NXN: variants seen among roughly 807,000 people sequenced by gnomAD.
NXN encodes nucleoredoxin, also known as nucleoredoxin 1.
Under a neutral mutation model 48.6 loss-of-function variants are expected in NXN, and 16 were observed. The ratio of observed to expected loss-of-function variants is 0.33; its 90% CI spans 0.22 to 0.50. NXN has a LOEUF of 0.50. Among genes scored for constraint, NXN ranks in the 20% least tolerant of loss-of-function variants. NXN has a pLI of 0.98. For missense variants in NXN, 492 were observed against 605.5 expected (o/e 0.81, Z 1.97); for synonymous variants, 281 against 269.6 (o/e 1.04, Z -0.41).
At chr17:812,136 C>T (rs1361066378) in intron 5 of NXN, among the ~76,000 whole-genome samples, 1 of 150,596 alleles carries the variant, frequency 6.6e-6, no homozygotes, top group Non-Finnish European at 1.5e-5. Context: ...ACCGTGTTAG[C>T]CAGGACGGTC....
intron 1 of NXN, among the ~76,000 whole-genome samples, chr17:942,138 A>C (rs1333807028): frequency 1.7e-4 from 17 of 98,442 alleles, no homozygotes; most frequent in African/African-American, 5.5e-4. Flanking sequence ...GAATTCACCA[A>C]ACACCTTCCT....
At chr17:873,103 G>A (rs2068176623) in intron 1 of NXN, among the ~76,000 whole-genome samples, 1 of 152,208 alleles carries the variant, frequency 6.6e-6, no homozygotes. Flanking sequence ...CTTCAGACTT[G>A]GCGGGAACTT....
chr17:915,912 T>C (rs916963553), intron 1 of NXN, among the ~76,000 whole-genome samples: 1 of 152,272 alleles, frequency 6.6e-6, no homozygotes, highest in Non-Finnish European at 1.5e-5. Context: ...CCAGTTCTTT[T>C]GTCCTTGTCC....
chr17:931,669 T>C (rs932810821), intron 1 of NXN, among the ~76,000 whole-genome samples: 3 of 150,206 alleles, frequency 2.0e-5, no homozygotes, highest in African/African-American at 7.3e-5. Flanking sequence ...ACCCTGTCTC[T>C]GCTAAAAATA....
At position 978,449 on chromosome 17, in the gene NXN, T is replaced by C. The variant is rs1165128516; in HGVS notation, c.360+870A>G. 7 of 152,402 alleles carry C rather than the reference T, an allele frequency of 4.6e-5. No homozygotes were observed. The highest frequency in any genetic ancestry group is 3.9e-4 in the Admixed American group (6 of 15,288). The allele number at this position is 152,402 out of a possible 1,614,324, so 9.4% of individuals were successfully genotyped here. A position where few individuals can be genotyped will look rare whatever the true frequency, so the allele number is the denominator to read the frequency against. ...AGTATCCATTTCCCCAAATCCTCCT[T>C]CTTCCAGTCAATGTGCATCGATGGG... On this transcript the variant is annotated intron_variant, in intron 1 of 7. Coordinates refer to ENST00000336868, the MANE Select transcript of NXN (RefSeq NM_022463.5). The surrounding 1 kb of genome is among the most constrained non-coding windows in gnomAD (Gnocchi z 4.1).
intron 1 of NXN, among the ~76,000 whole-genome samples, chr17:922,398 C>T (rs779677861): frequency 2.0e-5 from 3 of 151,824 alleles, no homozygotes; most frequent in Non-Finnish European, 2.9e-5. Flanking sequence ...GAGCCAAGAT[C>T]GTGCCACTGC....
Position 830,103 on chromosome 17 carries a change from C to T in NXN, c.361-4025G>A, listed in dbSNP as rs1205740084. On this transcript the variant is annotated intron_variant, in intron 1 of 7. Coordinates refer to ENST00000336868, the MANE Select transcript of NXN (RefSeq NM_022463.5). The surrounding 1 kb of genome is among the most constrained non-coding windows in gnomAD (Gnocchi z 4.2). ...CCTCCCACCAACAGTGTCAAAGTTG[C>T]TTATCTTTGACTTACTGATGTGTAG... 6.6e-6 allele frequency among the ~76,000 whole-genome samples: 1 copy of T among 152,186 alleles called. No individual in the cohort carries two copies. The highest frequency in any genetic ancestry group is 1.5e-5 in the Non-Finnish European group (1 of 68,040).
At chr17:912,022 C>G (rs1376769523) in intron 1 of NXN, among the ~76,000 whole-genome samples, 1 of 151,408 alleles carries the variant, frequency 6.6e-6, no homozygotes, top group East Asian at 1.9e-4. Flanking sequence ...ACTGCAACCT[C>G]TGCCTCCCGA....
intron 5 of NXN, among the ~76,000 whole-genome samples, chr17:811,516 G>C (rs555588150): frequency 2.0e-5 from 3 of 152,146 alleles, no homozygotes; most frequent in Admixed American, 1.3e-4. Flanking sequence ...GGTTGGGGGG[G>C]GGGCAGCACT....
intron 7 of NXN, among the ~76,000 whole-genome samples, chr17:802,333 C>G (rs893501462): frequency 6.6e-6 from 1 of 152,124 alleles, no homozygotes; most frequent in Non-Finnish European, 1.5e-5. Flanking sequence ...CCCAGCCAGA[C>G]GGGAGCCAGC....
intron 1 of NXN, among the ~76,000 whole-genome samples, chr17:938,628 G>A (rs913802135): frequency 1.3e-5 from 2 of 152,086 alleles, no homozygotes; most frequent in Non-Finnish European, 2.9e-5. Flanking sequence ...AGGTCGCAGT[G>A]AGCCGAGATT....
chr17:947,507 C>A (rs936074036), intron 1 of NXN, among the ~76,000 whole-genome samples: 1 of 151,582 alleles, frequency 6.6e-6, no homozygotes, highest in African/African-American at 2.4e-5. Flanking sequence ...CCGAGGTGGG[C>A]GGATCACTTG....
chr17:860,674 G>A (rs956782447), intron 1 of NXN, among the ~76,000 whole-genome samples: 17 of 152,274 alleles, frequency 1.1e-4, no homozygotes, highest in East Asian at 3.8e-4. Flanking sequence ...GATGACAGGC[G>A]TGAGCCGCCG....
At chr17:931,896 C>T (rs1307390237) in intron 1 of NXN, among the ~76,000 whole-genome samples, 1 of 147,708 alleles carries the variant, frequency 6.8e-6, no homozygotes, top group Non-Finnish European at 1.5e-5. Context: ...GTAATCCCAG[C>T]ACTTTGGGAG....
At chr17:926,005 C>G (rs1379470638) in intron 1 of NXN, among the ~76,000 whole-genome samples, 2 of 152,176 alleles carry the variant, frequency 1.3e-5, no homozygotes, top group South Asian at 4.1e-4. Context: ...TGCAAAAGAG[C>G]CATTTTTCAC....
At chr17:842,045 A>G (rs948191147) in intron 1 of NXN, among the ~76,000 whole-genome samples, 1 of 152,134 alleles carries the variant, frequency 6.6e-6, no homozygotes, top group Non-Finnish European at 1.5e-5. Context: ...CTGCGGCAGG[A>G]GAATCGCTTG....
chr17:975,144 T>C (rs2069443468), intron 1 of NXN, among the ~76,000 whole-genome samples: 1 of 152,172 alleles, frequency 6.6e-6, no homozygotes, highest in South Asian at 2.1e-4. Context: ...TGGACTGTTG[T>C]CCTTTATTAC....
intron 1 of NXN, among the ~76,000 whole-genome samples, chr17:977,135 CT>C (rs1046030115): frequency 6.6e-6 from 1 of 152,108 alleles, no homozygotes; most frequent in African/African-American, 2.4e-5. Context: ...AGAAGGACAG[CT>C]GGAGTCTTTT....
chr17:865,830 A>T (rs772254358), intron 1 of NXN, among the ~76,000 whole-genome samples: 7 of 152,116 alleles, frequency 4.6e-5, no homozygotes, highest in South Asian at 2.1e-4. Flanking sequence ...CTAAAAATAC[A>T]AAATTAGCCG....
Sources: allele counts gnomAD v4.1 joint callset (sites outside exome capture counted in the v4.1 genomes callset), GRCh38; gene constraint gnomAD v4.1.1; non-coding constraint Gnocchi (gnomAD v3.1); transcripts MANE v1.5; gene names NCBI Gene and HGNC (gene_info 2026-07-23, HGNC 2026-07-21).